LHCGR: variants seen among roughly 807,000 people sequenced by gnomAD.
LHCGR encodes lutropin-choriogonadotropic hormone receptor.
A neutral mutation model predicts 60.7 loss-of-function variants in LHCGR; 55 were observed. That is an observed-to-expected ratio of 0.91 (90% CI 0.73 to 1.13). The LOEUF (loss-of-function observed/expected upper bound fraction) is 1.13. LHCGR is among the 50% of genes most tolerant of loss of function. The probability of loss-of-function intolerance (pLI) is 0.00; values close to 1 mark genes in which losing one functional copy is unlikely to be tolerated. For synonymous variants in LHCGR, 337 were observed against 316.5 expected (o/e 1.06, Z -0.69); for missense variants, 862 against 836.0 (o/e 1.03, Z -0.38).
chr2:48,737,620 T>G (rs1367467736), intron 1 of LHCGR, among the ~76,000 whole-genome samples: 4 of 152,236 alleles, frequency 2.6e-5, no homozygotes, highest in Non-Finnish European at 5.9e-5. Flanking sequence ...ACAGGGAATG[T>G]CTTCACTTAT....
At chr2:48,740,968 A>G (rs1274561505) in intron 1 of LHCGR, among the ~76,000 whole-genome samples, 8 of 152,384 alleles carry the variant, frequency 5.2e-5, no homozygotes, top group Middle Eastern at 3.4e-3. Flanking sequence ...ATGTATAACT[A>G]GAATAACCGA....
chr2:48,724,957 A>C (rs1298949470), intron 4 of LHCGR, among the ~76,000 whole-genome samples: 1 of 152,230 alleles, frequency 6.6e-6, no homozygotes, highest in Admixed American at 6.5e-5. Context: ...TGAGGAGTTT[A>C]TGAAATTTAA....
At chr2:48,747,565 T>G (rs1669764400) in intron 1 of LHCGR, among the ~76,000 whole-genome samples, 2 of 152,186 alleles carry the variant, frequency 1.3e-5, no homozygotes, top group African/African-American at 4.8e-5. Context: ...AGCAGATCGA[T>G]TCTATGCTGG....
At chr2:48,715,386 G>A (rs548223803) in intron 6 of LHCGR, among the ~76,000 whole-genome samples, 1 of 152,266 alleles carries the variant, frequency 6.6e-6, no homozygotes, top group African/African-American at 2.4e-5. Flanking sequence ...GGAAATATTT[G>A]TATAAATTCT....
chr2:48,746,316 C>G (rs1364084274), intron 1 of LHCGR, among the ~76,000 whole-genome samples: 1 of 152,108 alleles, frequency 6.6e-6, no homozygotes, highest in Non-Finnish European at 1.5e-5. Flanking sequence ...CTTGACTTTC[C>G]TCTGATTAGG....
intron 1 of LHCGR, among the ~76,000 whole-genome samples, chr2:48,732,616 C>T (rs1013801670): frequency 6.6e-6 from 1 of 152,102 alleles, no homozygotes; most frequent in Non-Finnish European, 1.5e-5. Context: ...CTCCAGACAT[C>T]CTTTCCCTGT....
intron 1 of LHCGR, among the ~76,000 whole-genome samples, chr2:48,751,650 C>T (rs1056343616): frequency 5.3e-5 from 8 of 152,124 alleles, no homozygotes; most frequent in Admixed American, 3.3e-4. Flanking sequence ...ATTTACACTG[C>T]AAGTGAGAGG....
intron 1 of LHCGR, among the ~76,000 whole-genome samples, chr2:48,745,485 G>C (rs1002004022): frequency 2.0e-5 from 3 of 152,080 alleles, no homozygotes; most frequent in African/African-American, 7.2e-5. Flanking sequence ...AGAAAATGTG[G>C]CATATATACA....
At chr2:48,752,917 C>T (rs954347110) in intron 1 of LHCGR, among the ~76,000 whole-genome samples, 2 of 128,594 alleles carry the variant, frequency 1.6e-5, no homozygotes, top group Non-Finnish European at 3.1e-5. Context: ...TTCCGTCTGC[C>T]TCTGGGTTTA....
chr2:48,755,583 C>T lies in LHCGR; in HGVS notation c.89G>A (p.Cys30Tyr). 6.5e-7 allele frequency: 1 copy of T among 1,539,106 alleles called. No homozygotes were observed. The highest frequency in any genetic ancestry group is 8.7e-7 in the Non-Finnish European group (1 of 1,145,546). Residue 30 changes from cysteine to tyrosine, a missense_variant, in exon 1 of 11, where the codon TGC becomes TAC. Cys to Tyr is a radical substitution (Grantham distance 194, BLOSUM62 -2). Coordinates refer to ENST00000294954, the MANE Select transcript of LHCGR (RefSeq NM_000233.4). ...PLPRALREAL[C>Y]PEPCNCVPDG... is the part of the protein sequence containing the mutation. ...GGGCACGCAGTTGCAGGGCTCAGGG[C>T]AGAGCGCCTCGCGCAGCGCTCGTGG...
At chr2:48,708,642 A>G in intron 8 of LHCGR, 1 of 511,162 alleles carries the variant, frequency 2.0e-6, no homozygotes, top group Non-Finnish European at 3.6e-6. Context: ...GAACTAGCAC[A>G]AGCTAGGAGA....
chr2:48,721,845 TG>T, intron 6 of LHCGR: 1 of 468,330 alleles, frequency 2.1e-6, no homozygotes, highest in Non-Finnish European at 4.4e-6. Flanking sequence ...TCAGGGTCAC[TG>T]GGCTTTAGGT....
At chr2:48,743,748 G>A (rs866253859) in intron 1 of LHCGR, among the ~76,000 whole-genome samples, 4,383 of 152,006 alleles carry the variant, frequency 0.029, 87 homozygotes, top group South Asian at 0.069. Context: ...TACTGAATGG[G>A]CAAAAACTGG....
Position 48,755,597 on chromosome 2 carries a change from C to A in LHCGR, c.75G>T (p.Leu25=). Residue 25 remains leucine (L), a synonymous_variant, in exon 1 of 11, where the codon CTG becomes CTT. Transcript: ENST00000294954. The part of the protein sequence containing the change: ...LLLQPPLPRA[L]REALCPEPCN... The stretch of plus-strand genomic sequence containing the variant: ...AGGGCTCAGGGCAGAGCGCCTCGCG[C>A]AGCGCTCGTGGCAGCGGCGGCTGCA... The A allele has an allele frequency of 6.5e-7, 1 of 1,537,786 alleles. No homozygotes were observed. The highest frequency in any genetic ancestry group is 8.7e-7 in the Non-Finnish European group (1 of 1,145,502).
chr2:48,688,981 G>C lies in LHCGR; in HGVS notation c.948-132C>G. The C allele has an allele frequency of 1.2e-6, 1 of 822,110 alleles. No individual in the cohort carries two copies. The highest frequency in any genetic ancestry group is 1.9e-6 in the Non-Finnish European group (1 of 517,720). The allele number at this position is 822,110 out of a possible 1,614,324, so 50.9% of individuals were successfully genotyped here. On this transcript the variant is annotated intron_variant, in intron 10 of 10. Transcript: ENST00000294954. The surrounding 1 kb of genome is among the most constrained non-coding windows in gnomAD (Gnocchi z 5.2). The stretch of plus-strand genomic sequence containing the variant: ...AATAGCCTCAGCCTTACATTTATTT[G>C]TTAAATTATTTGAGAACTCTGATTT...
chr2:48,713,232 T>C (rs1668079609), intron 7 of LHCGR, among the ~76,000 whole-genome samples: 1 of 152,182 alleles, frequency 6.6e-6, no homozygotes, highest in Non-Finnish European at 1.5e-5. Context: ...TTTAAAAGCC[T>C]TTTTTGTTTA....
chr2:48,730,933 A>G (rs1668959114), intron 2 of LHCGR, among the ~76,000 whole-genome samples: 1 of 152,170 alleles, frequency 6.6e-6, no homozygotes, highest in African/African-American at 2.4e-5. Flanking sequence ...CAGAAGGAGA[A>G]TTTTTATGAT....
At chr2:48,733,062 C>G (rs949167644) in intron 1 of LHCGR, 4 of 481,294 alleles carry the variant, frequency 8.3e-6, no homozygotes, top group African/African-American at 7.9e-5. Context: ...TTTTATTGCT[C>G]TCTGCACTGC....
intron 4 of LHCGR, 102 bp downstream of exon 4, chr2:48,725,574 T>C (rs1256946618): frequency 3.7e-6 from 3 of 818,714 alleles, no homozygotes; most frequent in African/African-American, 1.7e-5. Flanking sequence ...AATAGTGCCA[T>C]GTATATGGTT....
Sources: allele counts gnomAD v4.1 joint callset (sites outside exome capture counted in the v4.1 genomes callset), GRCh38; gene constraint gnomAD v4.1.1; non-coding constraint Gnocchi (gnomAD v3.1); transcripts MANE v1.5; gene names NCBI Gene and HGNC (gene_info 2026-07-23, HGNC 2026-07-21).